FRMPD4: variants seen among roughly 807,000 people sequenced by gnomAD.
FRMPD4 encodes FERM and PDZ domain-containing protein 4.
FRMPD4 carries 22 observed loss-of-function variants against 94.1 expected under a neutral mutation model. The ratio of observed to expected loss-of-function variants is 0.23; its 90% CI spans 0.17 to 0.33. The LOEUF is 0.33. Ranked by LOEUF, FRMPD4 falls within the 10% of genes least tolerant of loss-of-function variation. The pLI, the probability that FRMPD4 is intolerant of heterozygous loss-of-function variation, is 1.00. For missense variants in FRMPD4, 1,111 were observed against 1,339.9 expected (o/e 0.83, Z 2.67); for synonymous variants, 631 against 548.6 (o/e 1.15, Z -2.10).
intron 3 of FRMPD4, among the ~76,000 whole-genome samples, chrX:12,052,341 A>G (rs1041575469): frequency 1.1e-4 from 12 of 111,923 alleles, no homozygotes; most frequent in African/African-American, 3.9e-4. Context: ...AGAGCTTGCT[A>G]TATTGATGGT....
intron 3 of FRMPD4, among the ~76,000 whole-genome samples, chrX:12,075,385 T>G (rs2147476819): frequency 8.9e-6 from 1 of 111,905 alleles, no homozygotes; most frequent in African/African-American, 3.2e-5. Flanking sequence ...CTGTACCTTC[T>G]GCTCAATTTT....
Position 11,887,686 on chromosome X carries a change from T to G in FRMPD4, c.95+9668T>G, listed in dbSNP as rs1278669207. On this transcript the variant is annotated intron_variant, in intron 3 of 18. Transcript: ENST00000640291. ...ATTACTTCATTGAATGCTAACTGTG[T>G]ACCCAGCCGATCTATGTGCTGGTAG... Among the ~76,000 whole-genome samples, 22 of 112,396 alleles carry G rather than the reference T, an allele frequency of 2.0e-4. 1 individual carries two copies. The Admixed American group carries it at 2.1e-3, about 11-fold the overall frequency.
chrX:12,686,924 T>C (rs1222832353), intron 7 of FRMPD4, among the ~76,000 whole-genome samples: 1 of 112,153 alleles, frequency 8.9e-6, no homozygotes, highest in Non-Finnish European at 1.9e-5. Context: ...TCCCTAATGC[T>C]TCATCAGCCT....
At chrX:12,514,640 C>T (rs1476640810) in intron 2 of FRMPD4, among the ~76,000 whole-genome samples, 2 of 111,674 alleles carry the variant, frequency 1.8e-5, no homozygotes, top group Non-Finnish European at 3.8e-5. Flanking sequence ...ATTTTTGCCT[C>T]GATGTTCATC....
chrX:12,370,197 G>A (rs1046922499), intron 1 of FRMPD4, among the ~76,000 whole-genome samples: 2 of 112,046 alleles, frequency 1.8e-5, no homozygotes, highest in East Asian at 2.8e-4. Flanking sequence ...GGGGCCGGGT[G>A]TAGTGGCTCA....
chrX:12,349,515 C>A (rs1444991986), intron 1 of FRMPD4, among the ~76,000 whole-genome samples: 1 of 110,921 alleles, frequency 9.0e-6, no homozygotes, highest in Non-Finnish European at 1.9e-5. Context: ...TTATGCTCAG[C>A]CAAATTGCCA....
At chrX:12,331,224 G>GTT (rs780886973) in intron 1 of FRMPD4, among the ~76,000 whole-genome samples, 4 of 87,311 alleles carry the variant, frequency 4.6e-5, no homozygotes, top group South Asian at 5.4e-4. Context: ...TCGGGATTTC[G>GTT]TTTTTTTTTT....
intron 3 of FRMPD4, among the ~76,000 whole-genome samples, chrX:12,126,922 C>T (rs189377641): frequency 1.8e-5 from 2 of 111,602 alleles, no homozygotes; most frequent in Admixed American, 9.5e-5. Context: ...ACCCATTGCT[C>T]TATTGATAAA....
chrX:12,617,064 C>G (rs746117021), intron 4 of FRMPD4, among the ~76,000 whole-genome samples: 10 of 111,740 alleles, frequency 8.9e-5, no homozygotes, highest in Admixed American at 8.6e-4. Flanking sequence ...TCTGGTTTAA[C>G]GCTTGTAGAA....
intron 3 of FRMPD4, among the ~76,000 whole-genome samples, chrX:11,933,432 G>C (rs1191529245): frequency 8.9e-6 from 1 of 112,366 alleles, no homozygotes; most frequent in African/African-American, 3.2e-5. Flanking sequence ...TAAAATGATT[G>C]GTTGGAAATA....
chrX:12,720,511 T>C lies in FRMPD4; in HGVS notation c.3965-23T>C, dbSNP rs777403587. 4.2e-6 allele frequency: 5 copies of C among 1,202,736 alleles called. No individual in the cohort carries two copies. The East Asian group carries it at 1.5e-4, about 36-fold the overall frequency. ...AGGAGATGCTTAATGATTCTCTCTGTTTTTCTACTACCCCTAGTGTAGCTT... is the reference window on the plus strand; with the variant it reads ...AGGAGATGCTTAATGATTCTCTCTGCTTTTCTACTACCCCTAGTGTAGCTT... On this transcript the variant is annotated intron_variant, in intron 16 of 16. Coordinates refer to ENST00000675598, the MANE Select transcript of FRMPD4 (RefSeq NM_001368397.1).
intron 6 of FRMPD4, among the ~76,000 whole-genome samples, chrX:12,684,718 C>T (rs186193495): frequency 6.8e-4 from 77 of 112,514 alleles, no homozygotes; most frequent in African/African-American, 1.9e-3. Context: ...CTGAAACTTA[C>T]CTTTTCTGCC....
chrX:11,967,892 TA>T (rs2054319831), intron 3 of FRMPD4, among the ~76,000 whole-genome samples: 2 of 109,262 alleles, frequency 1.8e-5, no homozygotes, highest in Admixed American at 2.0e-4. Context: ...GAAGCTCCAC[TA>T]GGGGGAGATG....
At chrX:12,679,402 G>A (rs751591738) in intron 5 of FRMPD4, among the ~76,000 whole-genome samples, 7 of 111,940 alleles carry the variant, frequency 6.3e-5, no homozygotes, top group East Asian at 2.8e-4. Context: ...AACCAACCAG[G>A]CGGGGACCAG....
intron 1 of FRMPD4, among the ~76,000 whole-genome samples, chrX:12,212,528 C>T (rs2056765831): frequency 9.0e-6 from 1 of 111,384 alleles, no homozygotes; most frequent in African/African-American, 3.3e-5. Flanking sequence ...AACTTTATGC[C>T]TCTCTGAGAA....
intron 1 of FRMPD4, among the ~76,000 whole-genome samples, chrX:12,414,602 CT>C (rs2056775135): frequency 9.0e-6 from 1 of 111,613 alleles, no homozygotes; most frequent in Non-Finnish European, 1.9e-5. Flanking sequence ...ACCCAAGGTT[CT>C]GCTTATCTTA....
chrX:12,125,772 G>A (rs1337113720), intron 3 of FRMPD4, among the ~76,000 whole-genome samples: 1 of 112,221 alleles, frequency 8.9e-6, no homozygotes, highest in African/African-American at 3.2e-5. Flanking sequence ...GAGTTCAAAT[G>A]TTAGCTTTAG....
chrX:12,015,901 T>C (rs761318924), intron 3 of FRMPD4, among the ~76,000 whole-genome samples: 84 of 111,863 alleles, frequency 7.5e-4, no homozygotes, highest in Non-Finnish European at 1.4e-3. Flanking sequence ...TGAAATAGAC[T>C]CCCTATTGAC....
At chrX:12,707,436 A>G in intron 12 of FRMPD4, 33 bp from the exon 13 acceptor site, 1 of 1,081,019 alleles carries the variant, frequency 9.3e-7, no homozygotes, top group Non-Finnish European at 1.3e-6. Flanking sequence ...TCAGAGGTTC[A>G]GTATTTTTAT....
Sources: allele counts gnomAD v4.1 joint callset (sites outside exome capture counted in the v4.1 genomes callset), GRCh38; gene constraint gnomAD v4.1.1; transcripts MANE v1.5; gene names NCBI Gene and HGNC (gene_info 2026-07-23, HGNC 2026-07-21).